The following GPM6A variants were observed in gnomAD, a reference collection of about 807,000 sequenced individuals.
GPM6A encodes neuronal membrane glycoprotein M6-a.
In GPM6A, 7 loss-of-function variants were observed where a neutral mutation model predicts 32.1. The observed-to-expected ratio is 0.22, with a 90% CI of 0.12 to 0.41. The LOEUF (loss-of-function observed/expected upper bound fraction) is 0.41, where lower values mean the gene tolerates loss of function less well. Among genes scored for constraint, GPM6A ranks in the 10% least tolerant of loss-of-function variants. The pLI is 1.00. For missense variants in GPM6A, 235 were observed against 347.2 expected (o/e 0.68, Z 2.57); for synonymous variants, 130 against 123.4 (o/e 1.05, Z -0.35).
chr4:175,842,343 T>A (rs73008142), intron 1 of GPM6A, among the ~76,000 whole-genome samples: 4,841 of 152,262 alleles, frequency 0.032, 243 homozygotes, highest in African/African-American at 0.11. Context: ...CTCATAACAA[T>A]CCTGTGTAGT....
Position 175,674,841 on chromosome 4 carries a change from T to G in GPM6A, c.231-1005A>C, listed in dbSNP as rs1366252023. ...TCTGAGCCAAGATATGGCATACTTT[T>G]ATAGTGGCATGGGAAGGTCCTTTTC... On this transcript the variant is annotated intron_variant, in intron 2 of 6. Transcript: ENST00000393658. 2.6e-5 allele frequency among the ~76,000 whole-genome samples: 4 copies of G among 152,048 alleles called. No individual in the cohort carries two copies. The East Asian group carries it at 5.8e-4, about 22-fold the overall frequency.
intron 1 of GPM6A, among the ~76,000 whole-genome samples, chr4:175,856,012 T>C (rs1736403654): frequency 6.6e-6 from 1 of 152,190 alleles, no homozygotes; most frequent in African/African-American, 2.4e-5. Flanking sequence ...AAATGACTGA[T>C]TCTAGGACTG....
intron 2 of GPM6A, among the ~76,000 whole-genome samples, chr4:175,677,578 G>T (rs975924969): frequency 6.6e-6 from 1 of 152,076 alleles, no homozygotes; most frequent in African/African-American, 2.4e-5. Flanking sequence ...CAAAAAAAGT[G>T]CTTTCAATAA....
At chr4:175,950,676 T>C (rs2126373027) in intron 1 of GPM6A, among the ~76,000 whole-genome samples, 1 of 152,272 alleles carries the variant, frequency 6.6e-6, no homozygotes, top group Non-Finnish European at 1.5e-5. Context: ...TGCCTGAGTG[T>C]GCTGGCAGGG....
At position 175,686,787 on chromosome 4, in the gene GPM6A, A is replaced by G. The variant is rs1236255262; in HGVS notation, c.231-12951T>C. 2.0e-5 allele frequency among the ~76,000 whole-genome samples: 3 copies of G among 152,342 alleles called. No homozygotes were observed. In the East Asian group the frequency reaches 5.8e-4, roughly 29 times the overall value. On this transcript the variant is annotated intron_variant, in intron 2 of 6. Transcript: ENST00000393658. ...ATATAGTTGACTAATTAATTATTACATCTTTTTGTTCTGTATGTAAAGATT... is the reference window on the plus strand; with the variant it reads ...ATATAGTTGACTAATTAATTATTACGTCTTTTTGTTCTGTATGTAAAGATT...
At chr4:175,963,108 T>A (rs1740219120) in intron 1 of GPM6A, among the ~76,000 whole-genome samples, 3 of 141,540 alleles carry the variant, frequency 2.1e-5, no homozygotes, top group Non-Finnish European at 3.1e-5. Flanking sequence ...AATGGAAACA[T>A]CAAAAAAGAA....
At position 175,726,188 on chromosome 4, in the gene GPM6A, A is replaced by C. The variant is rs562491399; in HGVS notation, c.38-24421T>G. ...TTTTTTTTTTGTATTTTTAGTAGAG[A>C]CGGGGTTTCACCGTGTTGGCCAGAA... On this transcript the variant is annotated intron_variant, in intron 1 of 6. Coordinates refer to ENST00000393658, the MANE Select transcript of GPM6A (RefSeq NM_201591.3). 3.3e-5 allele frequency among the ~76,000 whole-genome samples: 5 copies of C among 150,412 alleles called. No homozygotes were observed. The South Asian group carries it at 1.1e-3, about 32-fold the overall frequency.
chr4:175,644,893 G>T (rs187914140), intron 4 of GPM6A, among the ~76,000 whole-genome samples: 24 of 152,110 alleles, frequency 1.6e-4, no homozygotes, highest in African/African-American at 5.8e-4. Flanking sequence ...GATCAGCTGA[G>T]GTCAGGAGTT....
chr4:175,735,518 A>C (rs1375620359), intron 1 of GPM6A, among the ~76,000 whole-genome samples: 1 of 152,166 alleles, frequency 6.6e-6, no homozygotes, highest in Non-Finnish European at 1.5e-5. Flanking sequence ...TAGAATACAA[A>C]TTATGAGCCT....
chr4:175,849,301 A>G (rs1736180918), intron 1 of GPM6A, among the ~76,000 whole-genome samples: 1 of 152,210 alleles, frequency 6.6e-6, no homozygotes, highest in South Asian at 2.1e-4. Flanking sequence ...TGGATTAACA[A>G]CAGAGTACAT....
At chr4:175,902,912 T>C (rs1378214152) in intron 1 of GPM6A, among the ~76,000 whole-genome samples, 1 of 152,090 alleles carries the variant, frequency 6.6e-6, no homozygotes, top group Non-Finnish European at 1.5e-5. Flanking sequence ...TCCATTTTTA[T>C]AAAGCTCTAG....
At chr4:175,912,048 A>G (rs942320638) in intron 1 of GPM6A, among the ~76,000 whole-genome samples, 3 of 152,178 alleles carry the variant, frequency 2.0e-5, no homozygotes, top group South Asian at 4.1e-4. Flanking sequence ...CCATGCAGAA[A>G]CAGGGAAGTT....
At chr4:175,787,611 C>T in intron 1 of GPM6A, 2 of 1,343,322 alleles carry the variant, frequency 1.5e-6, no homozygotes, top group South Asian at 1.8e-5. Context: ...TTCCCCAAAT[C>T]ACAACCCATG....
chr4:175,689,449 T>C (rs550630896), intron 2 of GPM6A, among the ~76,000 whole-genome samples: 1 of 152,040 alleles, frequency 6.6e-6, no homozygotes, highest in South Asian at 2.1e-4. Context: ...TTATAGCGTT[T>C]TTTTTTTTCT....
chr4:175,653,589 G>C (rs1313981552), intron 3 of GPM6A, among the ~76,000 whole-genome samples: 6 of 152,104 alleles, frequency 3.9e-5, no homozygotes, highest in Non-Finnish European at 2.9e-5. Flanking sequence ...GAAGGAAGGA[G>C]AGTAACTATC....
chr4:175,973,386 C>T (rs1325601532), intron 1 of GPM6A, among the ~76,000 whole-genome samples: 3 of 152,162 alleles, frequency 2.0e-5, no homozygotes, highest in African/African-American at 7.2e-5. Context: ...TTGTTGTTTT[C>T]AGTAAGGTCC....
intron 1 of GPM6A, among the ~76,000 whole-genome samples, chr4:175,846,752 A>T (rs1736098934): frequency 1.3e-5 from 2 of 152,148 alleles, no homozygotes; most frequent in South Asian, 4.1e-4. Context: ...ATTTTACTCA[A>T]AATATCAAGA....
At chr4:175,993,558 C>T (rs1051709541) in intron 1 of GPM6A, among the ~76,000 whole-genome samples, 3 of 152,170 alleles carry the variant, frequency 2.0e-5, no homozygotes, top group Non-Finnish European at 4.4e-5. Flanking sequence ...AACAGATACA[C>T]TCATTCCACA....
chr4:176,001,619 G>A (rs936261682), intron 1 of GPM6A, among the ~76,000 whole-genome samples: 1 of 152,146 alleles, frequency 6.6e-6, no homozygotes, highest in African/African-American at 2.4e-5. Flanking sequence ...GAACTGCGCC[G>A]AACTCCACCG....
Sources: allele counts gnomAD v4.1 joint callset (sites outside exome capture counted in the v4.1 genomes callset), GRCh38; gene constraint gnomAD v4.1.1; transcripts MANE v1.5; gene names NCBI Gene and HGNC (gene_info 2026-07-23, HGNC 2026-07-21).